PLPP4: variants seen among roughly 807,000 people sequenced by gnomAD.
The protein encoded by PLPP4 is phospholipid phosphatase 4, also known as diacylglycerol pyrophosphate like 2.
PLPP4 carries 20 observed loss-of-function variants against 32.2 expected under a neutral mutation model. That is an observed-to-expected ratio of 0.62 (90% CI 0.44 to 0.90). The LOEUF is 0.90. PLPP4 is among the 40% of genes least tolerant of loss of function. The probability of loss-of-function intolerance (pLI) is 0.00; values close to 1 mark genes in which losing one functional copy is unlikely to be tolerated. For missense variants in PLPP4, 257 were observed against 353.1 expected (o/e 0.73, Z 2.18); for synonymous variants, 127 against 133.0 (o/e 0.95, Z 0.31).
At chr10:120,523,780 T>G (rs1377773345) in intron 5 of PLPP4, among the ~76,000 whole-genome samples, 2 of 152,230 alleles carry the variant, frequency 1.3e-5, no homozygotes, top group Admixed American at 1.3e-4. Flanking sequence ...AAGGAATACC[T>G]TAATACGGGC....
At chr10:120,516,555 T>G (rs1488694747) in intron 3 of PLPP4, among the ~76,000 whole-genome samples, 1 of 152,244 alleles carries the variant, frequency 6.6e-6, no homozygotes, top group African/African-American at 2.4e-5. Flanking sequence ...CCTGGAATGC[T>G]TATAACCAGT....
At chr10:120,497,229 G>A (rs1845012640) in intron 1 of PLPP4, among the ~76,000 whole-genome samples, 1 of 152,166 alleles carries the variant, frequency 6.6e-6, no homozygotes, top group East Asian at 1.9e-4. Flanking sequence ...GGGGAGGGGT[G>A]TGTGGTTTTC....
At chr10:120,578,783 G>A (rs916295846) in intron 6 of PLPP4, among the ~76,000 whole-genome samples, 2 of 152,174 alleles carry the variant, frequency 1.3e-5, no homozygotes, top group Admixed American at 6.5e-5. Context: ...AAACCGGTGG[G>A]ATCAATACTA....
At chr10:120,482,035 G>T (rs1226460474) in intron 1 of PLPP4, among the ~76,000 whole-genome samples, 1 of 152,154 alleles carries the variant, frequency 6.6e-6, no homozygotes, top group Non-Finnish European at 1.5e-5. Flanking sequence ...TCCCAGCCAC[G>T]TGGAACTGTA....
chr10:120,520,899 TG>T lies in PLPP4; in HGVS notation c.321-65del, dbSNP rs545050067. 1,996 of 1,561,378 alleles carry T rather than the reference TG, an allele frequency of 1.3e-3. 2 individuals carry two copies. The highest frequency in any genetic ancestry group is 1.6e-3 in the Non-Finnish European group (1,800 of 1,148,812). ...GAAAGAGCTGGGGGCAGTGGGGAGT[TG>T]GGGGGGTCAGCTTGGGGTCATTTGT... On this transcript the variant is annotated intron_variant, in intron 4 of 6. Transcript: ENST00000398250.
In PLPP4 at chr10:120,574,726, A is replaced by T. The variant is rs7087077; in HGVS notation, c.446-405A>T. Among the ~76,000 whole-genome samples, 3 of 152,240 alleles carry T rather than the reference A, an allele frequency of 2.0e-5. No homozygotes were observed. The East Asian group carries it at 5.8e-4, about 29-fold the overall frequency. ...TTTGCTCTGTATGTACTTGTTTCTT[A>T]TAGAATGTATCACATTATATTAAAA... On this transcript the variant is annotated intron_variant, in intron 5 of 6. Coordinates refer to ENST00000398250, the MANE Select transcript of PLPP4 (RefSeq NM_001030059.3).
At chr10:120,564,719 T>C (rs1269940461) in intron 5 of PLPP4, among the ~76,000 whole-genome samples, 1 of 151,954 alleles carries the variant, frequency 6.6e-6, no homozygotes, top group African/African-American at 2.4e-5. Flanking sequence ...GTCATGATCA[T>C]CTTTATCTCT....
intron 1 of PLPP4, among the ~76,000 whole-genome samples, chr10:120,481,359 G>T (rs1300446027): frequency 6.6e-6 from 1 of 152,226 alleles, no homozygotes; most frequent in East Asian, 1.9e-4. Context: ...CAGCCCAGGG[G>T]ACATCAGGGA....
At chr10:120,461,826 G>A (rs749760272) in intron 1 of PLPP4, among the ~76,000 whole-genome samples, 7 of 152,222 alleles carry the variant, frequency 4.6e-5, no homozygotes, top group Non-Finnish European at 7.3e-5. Flanking sequence ...CTAGGTGCAA[G>A]CATTTGTGAT....
At chr10:120,478,054 G>C (rs745849784) in intron 1 of PLPP4, among the ~76,000 whole-genome samples, 5 of 152,192 alleles carry the variant, frequency 3.3e-5, no homozygotes, top group Non-Finnish European at 7.3e-5. Context: ...CACCCCACCA[G>C]ATCCCTGGAA....
intron 2 of PLPP4, among the ~76,000 whole-genome samples, chr10:120,508,594 G>C (rs10886700): frequency 0.34 from 51,594 of 152,078 alleles, 9,501 homozygotes; most frequent in South Asian, 0.42. Context: ...CCGGCAGTGT[G>C]GTGCATGGTG....
At chr10:120,553,006 A>G (rs1847981039) in intron 5 of PLPP4, among the ~76,000 whole-genome samples, 1 of 152,162 alleles carries the variant, frequency 6.6e-6, no homozygotes, top group South Asian at 2.1e-4. Flanking sequence ...TCGAGTTACT[A>G]TTATCTGATT....
chr10:120,486,171 C>A (rs565707905), intron 1 of PLPP4, among the ~76,000 whole-genome samples: 1 of 152,190 alleles, frequency 6.6e-6, no homozygotes, highest in Non-Finnish European at 1.5e-5. Flanking sequence ...TTCACGCCCA[C>A]CCTCTATCTT....
chr10:120,463,967 C>CGA (rs1848198031), intron 1 of PLPP4, among the ~76,000 whole-genome samples: 1 of 152,164 alleles, frequency 6.6e-6, no homozygotes, highest in South Asian at 2.1e-4. Flanking sequence ...GGTGTGCCAT[C>CGA]GCAGCCAGCT....
At chr10:120,549,820 A>T (rs972867077) in intron 5 of PLPP4, among the ~76,000 whole-genome samples, 1 of 152,002 alleles carries the variant, frequency 6.6e-6, no homozygotes, top group African/African-American at 2.4e-5. Context: ...TTAACCTAGG[A>T]ATAGAAAGAA....
chr10:120,566,758 T>C (rs537431880), intron 5 of PLPP4, among the ~76,000 whole-genome samples: 15 of 152,274 alleles, frequency 9.9e-5, no homozygotes, highest in Non-Finnish European at 1.8e-4. Flanking sequence ...TTTCACTATG[T>C]TAGCCAGGCT....
chr10:120,464,443 C>T (rs1013645369), intron 1 of PLPP4, among the ~76,000 whole-genome samples: 2 of 152,096 alleles, frequency 1.3e-5, no homozygotes, highest in Non-Finnish European at 2.9e-5. Flanking sequence ...AAATGATTTA[C>T]CACAGGATTT....
intron 1 of PLPP4, among the ~76,000 whole-genome samples, chr10:120,475,176 G>A (rs994497616): frequency 6.6e-6 from 1 of 151,834 alleles, no homozygotes; most frequent in Non-Finnish European, 1.5e-5. Context: ...CATGAATGAT[G>A]TTATACCCAG....
At position 120,514,726 on chromosome 10, in the gene PLPP4, A is replaced by C. The variant is rs536192184; in HGVS notation, c.256+725A>C. On this transcript the variant is annotated intron_variant, in intron 3 of 6. Transcript: ENST00000398250. ...GCCAAAACGACTTGGCTTGTTTAGC[A>C]AACAAAATAAACTAACCTGTAGCCA... Among the ~76,000 whole-genome samples the C allele has an allele frequency of 9.1e-4, 137 of 150,540 alleles. 2 individuals carry two copies. The South Asian group carries it at 0.027, about 30-fold the overall frequency.
Sources: gnomAD v4.1 joint callset for allele counts (sites outside exome capture counted in the v4.1 genomes callset) on GRCh38, gnomAD v4.1.1 for gene constraint, MANE v1.5 for transcripts, NCBI Gene and HGNC (gene_info 2026-07-23, HGNC 2026-07-21) for gene names.